The following PABIR3 variants were observed in gnomAD, a reference collection of about 807,000 sequenced individuals.
PABIR3 encodes the protein PABIR family member 1.
In PABIR3, 20 loss-of-function variants were observed where a neutral mutation model predicts 23.1. The observed-to-expected ratio is 0.86, with a 90% CI of 0.61 to 1.26. The LOEUF (loss-of-function observed/expected upper bound fraction) is 1.26, where lower values mean the gene tolerates loss of function less well. Among genes scored for constraint, PABIR3 ranks in the 50% most tolerant of loss-of-function variants. The probability of loss-of-function intolerance (pLI) is 0.00; values close to 1 mark genes in which losing one functional copy is unlikely to be tolerated. For synonymous variants in PABIR3, 69 were observed against 68.5 expected (o/e 1.01, Z -0.04); for missense variants, 189 against 195.4 (o/e 0.97, Z 0.20).
In PABIR3 at chrX:134,852,945, G is replaced by A. The variant is rs953015159; in HGVS notation, c.686+49G>A. ...AACATTCATTGATCATTTTTGCTTC[G>A]TTGTTAAGTCTACTTTGGCTATTGT... is the stretch of plus-strand genomic sequence containing the variant. On this transcript the variant is annotated intron_variant, in intron 10 of 10. Transcript: ENST00000645433. The A allele has an allele frequency of 1.5e-5, 13 of 848,843 alleles. No homozygotes were observed. The African/African-American group carries it at 2.1e-4, about 13-fold the overall frequency. The allele number at this position is 848,843 out of a possible 1,213,427, so 70.0% of individuals were successfully genotyped here.
chrX:134,798,657 GT>G (rs940644979), intron 1 of PABIR3, among the ~76,000 whole-genome samples: 4 of 112,138 alleles, frequency 3.6e-5, no homozygotes, highest in African/African-American at 9.7e-5. Flanking sequence ...ACCTATGGTT[GT>G]TGGTCTGTCA....
At chrX:134,809,738 G>A (rs1220949039) in intron 2 of PABIR3, 13 of 716,840 alleles carry the variant, frequency 1.8e-5, no homozygotes, top group Non-Finnish European at 2.0e-5. Flanking sequence ...ATGACGTTTA[G>A]TGGCAGAGCC....
Position 134,847,406 on chromosome X carries a change from A to G in PABIR3, c.369A>G (p.Ser123=). Residue 123 remains serine, a synonymous_variant, in exon 7 of 11, where the codon TCA becomes TCG. Transcript: ENST00000645433. ...LKLNDNGLQK[S]SSLKCIDLTP... ...AGAATGACAATGGCTTACAGAAATC[A>G]TCCTCTCTAAAGTGCATTGATTTAA... 1.1e-5 allele frequency: 13 copies of G among 1,207,309 alleles called. No individual in the cohort carries two copies. The highest frequency in any genetic ancestry group is 1.5e-5 in the Non-Finnish European group (13 of 892,104).
At chrX:134,845,716 T>A (rs2082410263) in intron 6 of PABIR3, among the ~76,000 whole-genome samples, 1 of 111,978 alleles carries the variant, frequency 8.9e-6, no homozygotes, top group Non-Finnish European at 1.9e-5. Flanking sequence ...TACTTCATGA[T>A]TTACTCATAA....
At chrX:134,821,128 G>A (rs890979325) in intron 3 of PABIR3, among the ~76,000 whole-genome samples, 11 of 98,744 alleles carry the variant, frequency 1.1e-4, no homozygotes, top group Non-Finnish European at 1.6e-4. Flanking sequence ...GTATACATAC[G>A]TATATAGGTA....
At chrX:134,858,282 A>G (rs755926283), downstream of PABIR3, among the ~76,000 whole-genome samples, 1 of 112,034 alleles carries the variant, frequency 8.9e-6, no homozygotes, top group East Asian at 2.8e-4. Context: ...AGTCTCTAAC[A>G]TTAAAAGGGG....
At chrX:134,856,451 G>C (rs2082750999), downstream of PABIR3, among the ~76,000 whole-genome samples, 1 of 110,290 alleles carries the variant, frequency 9.1e-6, no homozygotes, top group Middle Eastern at 4.2e-3. Flanking sequence ...CTCCCAAAGT[G>C]CTGGGATCAC....
chrX:134,843,899 C>T (rs1476703542), intron 4 of PABIR3, among the ~76,000 whole-genome samples: 1 of 105,935 alleles, frequency 9.4e-6, no homozygotes, highest in Non-Finnish European at 1.9e-5. Flanking sequence ...CTATTCTGTT[C>T]CATTGCTATA....
intron 2 of PABIR3, chrX:134,809,906 C>CA (rs1227007523): frequency 1.4e-4 from 101 of 740,237 alleles, no homozygotes; most frequent in Middle Eastern, 7.7e-4. Context: ...TAAGATTGAC[C>CA]AAAAAAAAAT....
chrX:134,864,169 G>A, the PABIR3 span, among the ~76,000 whole-genome samples: 2 of 110,093 alleles, frequency 1.8e-5, no homozygotes, highest in Non-Finnish European at 3.8e-5. Flanking sequence ...TCCTGCCTCA[G>A]CTTCCCAAGT....
intron 4 of PABIR3, among the ~76,000 whole-genome samples, chrX:134,832,403 T>A (rs1439603153): frequency 6.9e-5 from 5 of 72,900 alleles, no homozygotes; most frequent in Non-Finnish European, 1.3e-4. Flanking sequence ...CCTTTTTTTT[T>A]TTTTTTTTTT....
At chrX:134,806,962 T>G (rs2080269681), upstream of PABIR3, among the ~76,000 whole-genome samples, 1 of 111,306 alleles carries the variant, frequency 9.0e-6, no homozygotes, top group Non-Finnish European at 1.9e-5. Flanking sequence ...CCCAACGCTT[T>G]CATTTCTAAA....
chrX:134,822,808 A>G (rs2081347281), intron 3 of PABIR3: 1 of 212,224 alleles, frequency 4.7e-6, no homozygotes, highest in Non-Finnish European at 6.9e-6. Context: ...AAAGATAACT[A>G]TTAGGTACTG....
intron 4 of PABIR3, among the ~76,000 whole-genome samples, chrX:134,831,409 C>A (rs962387284): frequency 3.6e-5 from 4 of 111,708 alleles, no homozygotes; most frequent in African/African-American, 9.8e-5. Context: ...TGACTGACTT[C>A]TTTGTCCCTA....
At chrX:134,851,691 A>G (rs1195101325) in intron 9 of PABIR3, among the ~76,000 whole-genome samples, 2 of 112,176 alleles carry the variant, frequency 1.8e-5, no homozygotes, top group Non-Finnish European at 3.8e-5. Context: ...TTGATTTGTC[A>G]TGTTTTCAAT....
upstream of PABIR3, among the ~76,000 whole-genome samples, chrX:134,804,727 A>G (rs1042450433): frequency 3.5e-5 from 4 of 112,725 alleles, no homozygotes; most frequent in East Asian, 8.3e-4. Context: ...AATGAACACA[A>G]TGGAGGTAAG....
chrX:134,849,869 C>CTTTTTTTTTTTTTTTTTTTT lies in PABIR3; in HGVS notation c.589+659_589+660insTTTTTTTTTTTTTTTTTTTT, dbSNP rs374919785. Among the ~76,000 whole-genome samples the CTTTTTTTTTTTTTTTTTTTT allele has an allele frequency of 1.4e-4, 8 of 58,856 alleles. 2 individuals carry two copies. Among genetic ancestry groups the CTTTTTTTTTTTTTTTTTTTT allele is most frequent in the Admixed American group, 3.1e-4 (1 of 3,249 alleles). The allele number at this position is 58,856 out of a possible 115,157, so 51.1% of individuals were successfully genotyped here. On this transcript the variant is annotated intron_variant, in intron 9 of 10. Transcript: ENST00000645433. ...ACCTCACTAAATTATGCTCTTCTTC[C>CTTTTTTTTTTTTTTTTTTTT]TTTTTTTTTTTTTTTTTTCTTGAGA...
upstream of PABIR3, chrX:134,807,170 A>C (rs1172110635): frequency 1.0e-5 from 8 of 785,906 alleles, no homozygotes; most frequent in Non-Finnish European, 1.2e-5. Context: ...CGTCCGGCTG[A>C]TAGCTTATCG....
chrX:134,843,562 C>CTTTT (rs140467304), intron 4 of PABIR3, among the ~76,000 whole-genome samples: 4 of 42,273 alleles, frequency 9.5e-5, no homozygotes, highest in African/African-American at 1.9e-4. Flanking sequence ...AGGCTTATTT[C>CTTTT]TTTTTTTTTT....
Sources: gnomAD v4.1 joint callset for allele counts (sites outside exome capture counted in the v4.1 genomes callset) on GRCh38, gnomAD v4.1.1 for gene constraint, MANE v1.5 for transcripts, NCBI Gene and HGNC (gene_info 2026-07-23, HGNC 2026-07-21) for gene names.